DACH2: variants seen among roughly 807,000 people sequenced by gnomAD.
DACH2 encodes dachshund homolog 2.
Under a neutral mutation model 35.8 loss-of-function variants are expected in DACH2, and 17 were observed. That is an observed-to-expected ratio of 0.48 (90% CI 0.33 to 0.71). The LOEUF is 0.71. Ranked by LOEUF, DACH2 falls within the 30% of genes least tolerant of loss-of-function variation. The pLI is 0.02. For missense variants in DACH2, 469 were observed against 472.7 expected, an observed-to-expected ratio of 0.99 and a Z score of 0.07; for synonymous variants, 195 against 177.3, an observed-to-expected ratio of 1.10 and a Z score of -0.79.
chrX:86,563,817 C>T (rs991207456), intron 3 of DACH2, among the ~76,000 whole-genome samples: 10 of 111,019 alleles, frequency 9.0e-5, no homozygotes, highest in African/African-American at 2.9e-4. Flanking sequence ...ACCATACAAA[C>T]ATAATGTGCG....
intron 3 of DACH2, among the ~76,000 whole-genome samples, chrX:86,612,150 A>T (rs868799814): frequency 1.8e-5 from 2 of 108,390 alleles, no homozygotes; most frequent in Non-Finnish European, 3.8e-5. Flanking sequence ...AATGTCATCC[A>T]GGAATTAGTG....
chrX:86,242,526 T>C (rs966597165), intron 1 of DACH2, among the ~76,000 whole-genome samples: 9 of 112,184 alleles, frequency 8.0e-5, no homozygotes, highest in African/African-American at 1.6e-4. Context: ...ACTTGCCTTG[T>C]CTCAGATGAG....
chrX:86,529,335 G>C lies in DACH2; in HGVS notation c.640+14944G>C, dbSNP rs139100792. The stretch of plus-strand genomic sequence containing the variant: ...GCTGGGATTATAGGTGTGAGCCACT[G>C]CACCTGGCCTTAGAACTTATTCTTT... On this transcript the variant is annotated intron_variant, in intron 3 of 11. Coordinates refer to ENST00000373125, the MANE Select transcript of DACH2 (RefSeq NM_053281.3). Among the ~76,000 whole-genome samples, 255 of 106,400 alleles carry C rather than the reference G, an allele frequency of 2.4e-3. 1 individual carries two copies. Among genetic ancestry groups the C allele is most frequent in the African/African-American group, 7.4e-3 (217 of 29,157 alleles). 92.4% of individuals were successfully genotyped at this position (106,400 alleles called of 115,157 possible). A position where few individuals can be genotyped will look rare whatever the true frequency, so the allele number is the denominator to read the frequency against.
At position 86,741,630 on chromosome X, in the gene DACH2, T is replaced by C. The variant is rs760044711; in HGVS notation, c.1240+1748T>C. 1.8e-4 allele frequency among the ~76,000 whole-genome samples: 20 copies of C among 111,748 alleles called. No homozygotes were observed. In the East Asian group the frequency reaches 5.6e-3, roughly 32 times the overall value. On this transcript the variant is annotated intron_variant, in intron 7 of 11. Transcript: ENST00000373125. ...TGGTTGTTACTACATTGTGTACAAC[T>C]GATTCTAGAAAGTCTGAGAAAGAAC...
chrX:86,667,768 A>G (rs569405398), intron 4 of DACH2, among the ~76,000 whole-genome samples: 4 of 112,232 alleles, frequency 3.6e-5, no homozygotes, highest in African/African-American at 9.7e-5. Flanking sequence ...GAGCCATCAT[A>G]TTTAACTTTC....
intron 1 of DACH2, among the ~76,000 whole-genome samples, chrX:86,349,766 C>CTT (rs766793119): frequency 2.7e-5 from 3 of 109,628 alleles, no homozygotes; most frequent in Admixed American, 9.7e-5. Context: ...TTACAGTAAT[C>CTT]TTTTTTTTTT....
chrX:86,650,855 A>T lies in DACH2; in HGVS notation c.641-181A>T, dbSNP rs185303762. ...TAGCATAGCTCTGTTAAATAAATTT[A>T]TCCAGCTTTCAATTACATTAAGAAA... is the stretch of plus-strand genomic sequence containing the variant. On this transcript the variant is annotated intron_variant, in intron 3 of 11. Transcript: ENST00000373125. 4.1e-4 allele frequency among the ~76,000 whole-genome samples: 46 copies of T among 111,457 alleles called. 2 individuals are homozygous for T. The highest frequency in any genetic ancestry group is 1.5e-3 in the African/African-American group (46 of 30,814).
chrX:86,735,913 G>A (rs1230954113), intron 6 of DACH2, among the ~76,000 whole-genome samples: 1 of 111,330 alleles, frequency 9.0e-6, no homozygotes, highest in Non-Finnish European at 1.9e-5. Context: ...TTGGCAAATG[G>A]TGAAGGCATT....
chrX:86,312,832 C>T (rs1297090088), intron 1 of DACH2, among the ~76,000 whole-genome samples: 1 of 111,320 alleles, frequency 9.0e-6, no homozygotes, highest in Non-Finnish European at 1.9e-5. Context: ...TCAATAAACT[C>T]TCCTATTAGT....
chrX:86,378,860 A>G (rs2036005389), intron 2 of DACH2, among the ~76,000 whole-genome samples: 1 of 111,508 alleles, frequency 9.0e-6, no homozygotes, highest in South Asian at 3.6e-4. Flanking sequence ...CTGGTACTCA[A>G]AATGGTGGTT....
intron 3 of DACH2, among the ~76,000 whole-genome samples, chrX:86,587,462 G>A (rs2039588809): frequency 9.0e-6 from 1 of 111,204 alleles, no homozygotes; most frequent in Non-Finnish European, 1.9e-5. Context: ...GAACACGGGT[G>A]GTTAGAGTGA....
chrX:86,199,479 C>T (rs1268048313), intron 1 of DACH2, among the ~76,000 whole-genome samples: 2 of 111,813 alleles, frequency 1.8e-5, no homozygotes, highest in African/African-American at 6.5e-5. Flanking sequence ...CAAGCTATCC[C>T]TGTTTGCAGA....
At chrX:86,813,373 C>T (rs942511419) in intron 9 of DACH2, 96 bp downstream of exon 9, 16 of 786,821 alleles carry the variant, frequency 2.0e-5, no homozygotes, top group South Asian at 1.4e-4. Context: ...GAGGCTGAGG[C>T]GGGAGGATCA....
chrX:86,281,929 G>C (rs371086835), intron 1 of DACH2, among the ~76,000 whole-genome samples: 10 of 111,627 alleles, frequency 9.0e-5, no homozygotes, highest in East Asian at 5.7e-4. Context: ...AAATTCCTGG[G>C]AATAAAATTT....
intron 2 of DACH2, among the ~76,000 whole-genome samples, chrX:86,410,132 C>T (rs1161232581): frequency 8.9e-6 from 1 of 111,839 alleles, no homozygotes; most frequent in Non-Finnish European, 1.9e-5. Context: ...TAACTTGCAC[C>T]GTTAATAGCA....
intron 2 of DACH2, among the ~76,000 whole-genome samples, chrX:86,401,939 T>C (rs2036441456): frequency 8.9e-6 from 1 of 111,778 alleles, no homozygotes. Context: ...AAAAACTATA[T>C]GATCATATCA....
chrX:86,528,344 GA>G (rs1050001029), intron 3 of DACH2, among the ~76,000 whole-genome samples: 1 of 111,387 alleles, frequency 9.0e-6, no homozygotes, highest in Non-Finnish European at 1.9e-5. Context: ...CCTTTGGAAG[GA>G]AAAAGCAACT....
intron 2 of DACH2, among the ~76,000 whole-genome samples, chrX:86,475,611 A>T (rs1047619423): frequency 1.8e-5 from 2 of 111,954 alleles, no homozygotes; most frequent in Non-Finnish European, 3.8e-5. Flanking sequence ...TCCAAATATA[A>T]TGTCATATCA....
chrX:86,495,608 A>G (rs2038158210), intron 2 of DACH2, among the ~76,000 whole-genome samples: 1 of 109,914 alleles, frequency 9.1e-6, no homozygotes, highest in South Asian at 3.9e-4. Flanking sequence ...CCAGTAGTTC[A>G]AGACCAGCCT....
Sources: allele counts gnomAD v4.1 joint callset (sites outside exome capture counted in the v4.1 genomes callset), GRCh38; gene constraint gnomAD v4.1.1; transcripts MANE v1.5; gene names NCBI Gene and HGNC (gene_info 2026-07-23, HGNC 2026-07-21).